Variants in ABCG2 observed in about 807,000 individuals in gnomAD.
The protein encoded by ABCG2 is broad substrate specificity ATP-binding cassette transporter ABCG2.
ABCG2 carries 80 observed loss-of-function variants against 73.5 expected under a neutral mutation model. The observed-to-expected ratio is 1.09, with a 90% CI of 0.91 to 1.31. The LOEUF (loss-of-function observed/expected upper bound fraction) is 1.31, where lower values mean the gene tolerates loss of function less well. ABCG2 is among the 50% of genes most tolerant of loss of function. The probability of loss-of-function intolerance (pLI) is 0.00; values close to 1 mark genes in which losing one functional copy is unlikely to be tolerated. For synonymous variants in ABCG2, 269 were observed against 282.4 expected, an observed-to-expected ratio of 0.95 and a Z score of 0.48; for missense variants, 796 against 786.2, an observed-to-expected ratio of 1.01 and a Z score of -0.15.
chr4:88,139,188 T>C (rs1725451648), intron 2 of ABCG2, among the ~76,000 whole-genome samples: 1 of 151,152 alleles, frequency 6.6e-6, no homozygotes, highest in African/African-American at 2.4e-5. Flanking sequence ...AGACTTCTAG[T>C]GCATCAAGTT....
intron 1 of ABCG2, among the ~76,000 whole-genome samples, chr4:88,144,834 A>G (rs747870946): frequency 6.6e-6 from 1 of 152,166 alleles, no homozygotes; most frequent in South Asian, 2.1e-4. Context: ...GATAATCTGC[A>G]TTACAGATAC....
At chr4:88,106,979 T>C (rs543394923) in intron 10 of ABCG2, among the ~76,000 whole-genome samples, 4 of 152,296 alleles carry the variant, frequency 2.6e-5, no homozygotes, top group East Asian at 1.9e-4. Context: ...GAGGCGGAGA[T>C]TGCAGTGAGC....
intron 13 of ABCG2, 25 bp from the exon 14 acceptor site, chr4:88,095,634 C>G: frequency 6.3e-7 from 1 of 1,578,154 alleles, no homozygotes; most frequent in Non-Finnish European, 8.7e-7. Flanking sequence ...TACTAAAAGT[C>G]AGGCCTGCTT....
chr4:88,211,567 C>G (rs1729602611), intron 1 of ABCG2, among the ~76,000 whole-genome samples: 1 of 152,100 alleles, frequency 6.6e-6, no homozygotes, highest in African/African-American at 2.4e-5. Context: ...CCGGAGTACA[C>G]CACCACACCT....
At chr4:88,135,899 A>T (rs1725216376) in intron 2 of ABCG2, among the ~76,000 whole-genome samples, 1 of 152,098 alleles carries the variant, frequency 6.6e-6, no homozygotes, top group Non-Finnish European at 1.5e-5. Context: ...CTTAACGTAC[A>T]TCCTTAATGT....
chr4:88,125,465 G>A (rs117607915), intron 5 of ABCG2, among the ~76,000 whole-genome samples: 3,339 of 151,374 alleles, frequency 0.022, 172 homozygotes, highest in East Asian at 0.21. Context: ...AAAATTAGCC[G>A]GGCTAAGTGG....
In ABCG2 at chr4:88,177,027, G is replaced by C. The variant is rs112950754; in HGVS notation, c.-19-37013C>G. On this transcript the variant is annotated intron_variant, in intron 1 of 15. Transcript: ENST00000515655. Reference sequence around the variant, plus strand: ...CCCAGCTAATCAAAAGAGATAAAAAGAGCTATGGAAAAGAGAAGCAAAAAG... The same window carrying C: ...CCCAGCTAATCAAAAGAGATAAAAACAGCTATGGAAAAGAGAAGCAAAAAG... Among the ~76,000 whole-genome samples the C allele has an allele frequency of 5.1e-3, 771 of 152,134 alleles. 13 individuals carry two copies. Among genetic ancestry groups the C allele is most frequent in the South Asian group, 0.021 (99 of 4,820 alleles).
intron 1 of ABCG2, chr4:88,201,898 C>T (rs1729176936): frequency 6.6e-6 from 1 of 152,072 alleles, no homozygotes; most frequent in Admixed American, 6.6e-5. Flanking sequence ...ATCCACAAGT[C>T]ATTCATATGT....
intron 1 of ABCG2, among the ~76,000 whole-genome samples, chr4:88,165,441 C>T (rs1727477055): frequency 6.6e-6 from 1 of 152,202 alleles, no homozygotes; most frequent in Admixed American, 6.5e-5. Flanking sequence ...ATCTTCAAAG[C>T]CAGCAGCATA....
At chr4:88,152,842 C>A (rs111798293) in intron 1 of ABCG2, among the ~76,000 whole-genome samples, 14 of 151,930 alleles carry the variant, frequency 9.2e-5, no homozygotes, top group African/African-American at 1.9e-4. Context: ...TTTCTCAGGG[C>A]TGCTTCAAGT....
intron 1 of ABCG2, among the ~76,000 whole-genome samples, chr4:88,202,476 A>T (rs1418426099): frequency 6.6e-6 from 1 of 150,394 alleles, no homozygotes; most frequent in Non-Finnish European, 1.5e-5. Flanking sequence ...ACACTTTGAA[A>T]GGTGAGAAAA....
In ABCG2 at chr4:88,139,988, G is replaced by A; in HGVS notation, c.8C>T (p.Ser3Phe). The change falls in exon 2 of 16, where the codon TCC becomes TTC. Residue 3 changes from serine to phenylalanine, a missense_variant. Transcript: ENST00000237612. ...TGGGATAAAAACTTCGACATTACTG[G>A]AAGACATCTGGAGAGTTTTTATCTT... Reference protein sequence around the residue: MSSSNVEVFIPVS... With the variant: MSFSNVEVFIPVS... 1.2e-6 allele frequency: 2 copies of A among 1,613,910 alleles called. No homozygotes were observed. The highest frequency in any genetic ancestry group is 1.7e-6 in the Non-Finnish European group (2 of 1,179,960).
At position 88,219,341 on chromosome 4, in the gene ABCG2, T is replaced by C. The variant is rs192609832; in HGVS notation, c.-20+11653A>G. Among the ~76,000 whole-genome samples the C allele has an allele frequency of 1.3e-3, 196 of 152,286 alleles. 1 individual carries two copies. The highest frequency in any genetic ancestry group is 3.4e-3 in the Middle Eastern group (1 of 294). ...GCAAAGATCTTATGCTCGAAAAGCT[T>C]ATATTCCAATGGAGAAGACAGATGA... On this transcript the variant is annotated intron_variant, in intron 1 of 15. Transcript: ENST00000515655.
In ABCG2 at chr4:88,092,229, G is replaced by A; in HGVS notation, c.*5C>T. ...AGGATAAATCATACTGAATTAAGGGGAAATTTAAGAATATTTTTTAAGAAA... is the reference window on the plus strand; with the variant it reads ...AGGATAAATCATACTGAATTAAGGGAAAATTTAAGAATATTTTTTAAGAAA... On this transcript the variant is annotated 3_prime_UTR_variant, in exon 16 of 16. Coordinates refer to ENST00000237612, the MANE Select transcript of ABCG2 (RefSeq NM_004827.3). The A allele has an allele frequency of 6.3e-7, 1 of 1,599,216 alleles. No homozygotes were observed. The highest frequency in any genetic ancestry group is 1.1e-5 in the South Asian group (1 of 88,962).
chr4:88,132,530 A>G lies in ABCG2; in HGVS notation c.263+46T>C, dbSNP rs756413888. ...AAAAAAAAGTGGCTTTTAAAAGCAC[A>G]TTAAAAGTGCACAGAAAACGCTTAC... On this transcript the variant is annotated intron_variant, in intron 3 of 15. Transcript: ENST00000237612. 15 of 1,603,274 alleles carry G rather than the reference A, an allele frequency of 9.4e-6. No homozygotes were observed. The South Asian group carries it at 1.2e-4, about 13-fold the overall frequency.
rs7699188 is a variant in ABCG2, at chr4:88,174,909, G to C, written c.-19-34895C>G. On this transcript the variant is annotated intron_variant, in intron 1 of 15. Coordinates refer to the ABCG2 transcript ENST00000515655. Reference sequence around the variant, plus strand: ...CTATCTTGAGTTAATTTTTGTATAAGGTGTAAGGAAGGAGTCCAGTTTCAG... The same window carrying C: ...CTATCTTGAGTTAATTTTTGTATAACGTGTAAGGAAGGAGTCCAGTTTCAG... Among the ~76,000 whole-genome samples the C allele has an allele frequency of 1.8e-3, 279 of 152,084 alleles. 1 individual carries two copies. The highest frequency in any genetic ancestry group is 5.8e-3 in the African/African-American group (240 of 41,446).
chr4:88,230,555 C>T (rs1002905868), intron 1 of ABCG2, among the ~76,000 whole-genome samples: 3 of 151,774 alleles, frequency 2.0e-5, no homozygotes, highest in South Asian at 2.1e-4. Flanking sequence ...GGTAATCTGG[C>T]TTACCACACC....
At chr4:88,154,480 A>AG (rs1425457711) in intron 1 of ABCG2, among the ~76,000 whole-genome samples, 5 of 152,122 alleles carry the variant, frequency 3.3e-5, no homozygotes, top group African/African-American at 7.2e-5. Flanking sequence ...GCGGTAGTGG[A>AG]GGGGGGCAGA....
upstream of ABCG2, chr4:88,163,857 T>G (rs1035311825): frequency 2.1e-5 from 4 of 195,000 alleles, no homozygotes; most frequent in African/African-American, 9.5e-5. Context: ...GAAAATGTAA[T>G]GAGGGTAAAG....
Sources: allele counts gnomAD v4.1 joint callset (sites outside exome capture counted in the v4.1 genomes callset), GRCh38; gene constraint gnomAD v4.1.1; transcripts MANE v1.5; gene names NCBI Gene and HGNC (gene_info 2026-07-23, HGNC 2026-07-21).